The following DOCK1 variants were observed in gnomAD, a reference collection of about 807,000 sequenced individuals.
The protein encoded by DOCK1 is dedicator of cytokinesis protein 1.
Under a neutral mutation model 262.7 loss-of-function variants are expected in DOCK1, and 138 were observed. The ratio of observed to expected loss-of-function variants is 0.53; its 90% CI spans 0.46 to 0.61. The LOEUF is 0.61. Ranked by LOEUF, DOCK1 falls within the 20% of genes least tolerant of loss-of-function variation. The probability of loss-of-function intolerance (pLI) is 0.00; values close to 1 mark genes in which losing one functional copy is unlikely to be tolerated. For missense variants in DOCK1, 1,908 were observed against 2,370.7 expected (o/e 0.80, Z 4.05); for synonymous variants, 866 against 867.4 (o/e 1.00, Z 0.03).
intron 27 of DOCK1, among the ~76,000 whole-genome samples, chr10:127,183,357 A>C (rs2055920675): frequency 6.6e-6 from 1 of 152,198 alleles, no homozygotes; most frequent in South Asian, 2.1e-4. Flanking sequence ...CTCGACCATC[A>C]GAATGGATCC....
At chr10:127,333,071 A>G (rs1271439989) in intron 29 of DOCK1, among the ~76,000 whole-genome samples, 3 of 151,806 alleles carry the variant, frequency 2.0e-5, no homozygotes, top group East Asian at 3.9e-4. Context: ...GGATGGAGGA[A>G]TGTGTCACTT....
chr10:127,302,119 C>T (rs969523403), intron 29 of DOCK1, among the ~76,000 whole-genome samples: 6 of 147,838 alleles, frequency 4.1e-5, no homozygotes, highest in African/African-American at 1.3e-4. Context: ...ATGCTGTGGC[C>T]CGGAGCTTTT....
intron 23 of DOCK1, among the ~76,000 whole-genome samples, chr10:127,062,019 C>T (rs1487841524): frequency 1.4e-5 from 2 of 147,580 alleles, no homozygotes; most frequent in Non-Finnish European, 3.0e-5. Flanking sequence ...TCACTGCAAC[C>T]TCTGCCTCCC....
chr10:127,064,120 A>G (rs1018569507), intron 23 of DOCK1, among the ~76,000 whole-genome samples: 3 of 152,144 alleles, frequency 2.0e-5, no homozygotes, highest in African/African-American at 7.2e-5. Context: ...GACAAAGTAT[A>G]TTTTCAGACT....
chr10:127,092,136 A>G (rs567300237), intron 23 of DOCK1, among the ~76,000 whole-genome samples: 15 of 152,342 alleles, frequency 9.8e-5, no homozygotes, highest in African/African-American at 3.4e-4. Context: ...GCTGCTGTAG[A>G]ATAGTCCCAT....
rs763108134 is a variant in DOCK1, at chr10:127,042,702, C to T, written c.2088C>T (p.Val696=). 6.2e-7 allele frequency: 1 copy of T among 1,614,030 alleles called. No homozygotes were observed. Among genetic ancestry groups the T allele is most frequent in the Non-Finnish European group, 8.5e-7 (1 of 1,179,946 alleles). The change falls in exon 20 of 52, where the codon GTC becomes GTT. Residue 696 remains valine (V), a synonymous_variant. Coordinates refer to ENST00000623213, the MANE Select transcript of DOCK1 (RefSeq NM_001290223.2). ...NSESETFDTL[V]FDALVFIIGL... Reference sequence around the variant, plus strand: ...AGAGTGAGACTTTTGACACGTTAGTCTTTGATGCTCTGGTAAGAGAGCTTT... The same window carrying T: ...AGAGTGAGACTTTTGACACGTTAGTTTTTGATGCTCTGGTAAGAGAGCTTT...
intron 27 of DOCK1, among the ~76,000 whole-genome samples, chr10:127,219,794 TG>T (rs1254183746): frequency 6.6e-6 from 1 of 152,078 alleles, no homozygotes; most frequent in Non-Finnish European, 1.5e-5. Context: ...ACCCTGCCCA[TG>T]GAGCTCTATC....
At chr10:127,315,608 G>C (rs1481443624) in intron 29 of DOCK1, among the ~76,000 whole-genome samples, 1 of 152,154 alleles carries the variant, frequency 6.6e-6, no homozygotes, top group Admixed American at 6.5e-5. Flanking sequence ...CCTTTTGTTA[G>C]GGCAGCCCCA....
intron 27 of DOCK1, among the ~76,000 whole-genome samples, chr10:127,193,596 C>T (rs1459848283): frequency 2.0e-5 from 3 of 152,306 alleles, no homozygotes; most frequent in East Asian, 3.9e-4. Context: ...CAAATGTCTA[C>T]GTGAACGGGT....
chr10:126,949,389 T>G (rs973207008), intron 1 of DOCK1, among the ~76,000 whole-genome samples: 19 of 152,242 alleles, frequency 1.2e-4, no homozygotes, highest in African/African-American at 4.1e-4. Context: ...GGCTCCCACG[T>G]GTCCCTTCAG....
chr10:127,197,589 G>A (rs978776309), intron 27 of DOCK1, among the ~76,000 whole-genome samples: 1 of 152,194 alleles, frequency 6.6e-6, no homozygotes, highest in Admixed American at 6.5e-5. Flanking sequence ...GGTCAGAGAA[G>A]TAGTGGACCC....
chr10:127,114,710 T>A (rs1386846629), intron 25 of DOCK1, among the ~76,000 whole-genome samples: 1 of 151,872 alleles, frequency 6.6e-6, no homozygotes, highest in Non-Finnish European at 1.5e-5. Flanking sequence ...GCCAGTGTAC[T>A]CATCACTCAG....
chr10:127,147,709 G>C (rs1371947794), intron 27 of DOCK1, among the ~76,000 whole-genome samples: 1 of 151,996 alleles, frequency 6.6e-6, no homozygotes, highest in Non-Finnish European at 1.5e-5. Flanking sequence ...AAGGGCTAAG[G>C]CATTTTTATC....
At chr10:127,047,077 G>A (rs944679289) in intron 21 of DOCK1, among the ~76,000 whole-genome samples, 54 of 152,196 alleles carry the variant, frequency 3.5e-4, no homozygotes, top group African/African-American at 1.2e-3. Context: ...CTGCACGCAT[G>A]GTGCTAGTTT....
intron 29 of DOCK1, among the ~76,000 whole-genome samples, chr10:127,269,065 C>G (rs1274482827): frequency 6.6e-6 from 1 of 152,154 alleles, no homozygotes; most frequent in African/African-American, 2.4e-5. Context: ...CAGGTCAAAT[C>G]CGTGCTCCAC....
intron 38 of DOCK1, among the ~76,000 whole-genome samples, chr10:127,397,156 A>T (rs1279274385): frequency 1.4e-4 from 14 of 101,738 alleles, no homozygotes; most frequent in South Asian, 3.2e-4. Flanking sequence ...ACGGGCAGCG[A>T]CTCCTATGTG....
intron 25 of DOCK1, among the ~76,000 whole-genome samples, chr10:127,110,639 TTGTC>T (rs1225155597): frequency 6.6e-6 from 1 of 152,156 alleles, no homozygotes; most frequent in African/African-American, 2.4e-5. Flanking sequence ...AGATATGTGG[TTGTC>T]TGTCCTGGGG....
chr10:127,194,946 G>C (rs1441785143), intron 27 of DOCK1, among the ~76,000 whole-genome samples: 33 of 152,322 alleles, frequency 2.2e-4, no homozygotes, highest in Admixed American at 2.2e-3. Flanking sequence ...AGCGCGTGCA[G>C]CTCCCCAGCA....
chr10:126,918,983 G>GGATTTGGAGGAGGAGAAAGTC (rs1554955675), intron 1 of DOCK1, among the ~76,000 whole-genome samples: 2 of 151,992 alleles, frequency 1.3e-5, no homozygotes, highest in Non-Finnish European at 2.9e-5. Context: ...AGAAAGCCGA[G>GGATTTGGAGGAGGAGAAAGTC]AGGGAGTGTG....
Sources: gnomAD v4.1 joint callset for allele counts (sites outside exome capture counted in the v4.1 genomes callset) on GRCh38, gnomAD v4.1.1 for gene constraint, MANE v1.5 for transcripts, NCBI Gene and HGNC (gene_info 2026-07-23, HGNC 2026-07-21) for gene names.